The following AREL1 variants were observed in gnomAD, a reference collection of about 807,000 sequenced individuals.
AREL1 encodes apoptosis-resistant E3 ubiquitin protein ligase 1.
AREL1 carries 62 observed loss-of-function variants against 99.0 expected under a neutral mutation model. The observed-to-expected ratio is 0.63, with a 90% confidence interval of 0.51 to 0.77. The LOEUF (loss-of-function observed/expected upper bound fraction) is 0.77, where lower values mean the gene tolerates loss of function less well. Ranked by LOEUF, AREL1 falls within the 30% of genes least tolerant of loss-of-function variation. The pLI is 0.00. For missense variants in AREL1, 879 were observed against 1,027.6 expected, an observed-to-expected ratio of 0.86 and a Z score of 1.98; for synonymous variants, 380 against 376.5, an observed-to-expected ratio of 1.01 and a Z score of -0.11.
intron 1 of AREL1, among the ~76,000 whole-genome samples, chr14:74,707,830 G>A (rs1337623482): frequency 4.3e-4 from 63 of 148,194 alleles, no homozygotes; most frequent in Middle Eastern, 3.5e-3. Context: ...GGTGGCGGGC[G>A]CCTATAGTCC....
intron 5 of AREL1, among the ~76,000 whole-genome samples, chr14:74,678,602 C>A (rs1382041320): frequency 6.7e-6 from 1 of 150,066 alleles, no homozygotes; most frequent in African/African-American, 2.5e-5. Flanking sequence ...CAAATATGTC[C>A]AACTGCTTTT....
chr14:74,666,479 TA>T (rs1485711282), intron 17 of AREL1, among the ~76,000 whole-genome samples: 1 of 152,178 alleles, frequency 6.6e-6, no homozygotes. Flanking sequence ...AATAAAAATA[TA>T]TACTATATAC....
At position 74,661,656 on chromosome 14, in the gene AREL1, C is replaced by A. The variant is rs2089080532; in HGVS notation, c.*2064G>T. The A allele has an allele frequency of 5.6e-6, 1 of 180,144 alleles. No homozygotes were observed. The highest frequency in any genetic ancestry group is 2.4e-5 in the African/African-American group (1 of 41,612). The allele number at this position is 180,144 out of a possible 1,614,324, so 11.2% of individuals were successfully genotyped here. A position where few individuals can be genotyped will look rare whatever the true frequency, so the allele number is the denominator to read the frequency against. On this transcript the variant is annotated 3_prime_UTR_variant, in exon 20 of 20. Transcript: ENST00000356357. ...GAAAAGGCCCAAGAGAGCAAAGATA[C>A]TTTTGAATAGAGTTCAGACAGAGAA...
intron 7 of AREL1, 72 bp from the exon 8 acceptor site, chr14:74,676,018 A>C: frequency 6.5e-7 from 1 of 1,540,110 alleles, no homozygotes; most frequent in South Asian, 1.3e-5. Flanking sequence ...ACAGGCTTTT[A>C]GTCCACAGGA....
At chr14:74,671,898 G>C (rs1158546456) in intron 11 of AREL1, 1 of 389,402 alleles carries the variant, frequency 2.6e-6, no homozygotes, top group Non-Finnish European at 5.3e-6. Context: ...TATCCACAAG[G>C]CTAGGTTCAG....
At chr14:74,687,897 T>C (rs1290496522) in intron 2 of AREL1, among the ~76,000 whole-genome samples, 1 of 152,172 alleles carries the variant, frequency 6.6e-6, no homozygotes. Context: ...CTTCTATTAC[T>C]GTCCCTGAAC....
rs200202003 is a variant in AREL1 at position 74,676,700 on chromosome 14, T to C, written c.534A>G (p.Val178=). The change falls in exon 6 of 20, where the codon GTA becomes GTG. Residue 178 remains valine (V), a synonymous_variant. Transcript: ENST00000356357. The stretch of plus-strand genomic sequence containing the variant: ...GGGTGTGCGGCTGCCCACAGGTCAA[T>C]ACAAGAGTAGAAAAGTGGCACACAA... ...TKIVCHFSTL[V]LTCGQPHTLQ... 2.9e-5 allele frequency: 46 copies of C among 1,613,560 alleles called. No homozygotes were observed. Among genetic ancestry groups the C allele is most frequent in the Non-Finnish European group, 3.6e-5 (42 of 1,179,740 alleles).
At chr14:74,684,398 G>A (rs2089700617) in intron 4 of AREL1, 56 bp downstream of exon 4, 20 of 1,542,492 alleles carry the variant, frequency 1.3e-5, no homozygotes, top group Non-Finnish European at 1.8e-5. Flanking sequence ...CCTGGGCTCT[G>A]GAAAGCAAGT....
At chr14:74,696,553 A>G (rs1220361609) in intron 1 of AREL1, among the ~76,000 whole-genome samples, 1 of 152,208 alleles carries the variant, frequency 6.6e-6, no homozygotes, top group Admixed American at 6.5e-5. Flanking sequence ...TATTCTAAAA[A>G]GCTGTGAAAG....
At chr14:74,694,008 C>T (rs1222555984) in intron 1 of AREL1, among the ~76,000 whole-genome samples, 8 of 152,126 alleles carry the variant, frequency 5.3e-5, no homozygotes, top group Admixed American at 2.0e-4. Context: ...AAAACCCCGT[C>T]TCTACAAAAA....
chr14:74,686,493 T>C (rs2089751041), intron 2 of AREL1, among the ~76,000 whole-genome samples: 3 of 152,254 alleles, frequency 2.0e-5, no homozygotes, highest in Non-Finnish European at 2.9e-5. Flanking sequence ...TAGCACAGGC[T>C]GTATATGCTA....
chr14:74,670,734 A>G (rs754864761), intron 13 of AREL1, 28 bp downstream of exon 13: 1 of 1,599,050 alleles, frequency 6.3e-7, no homozygotes, highest in Admixed American at 1.7e-5. Flanking sequence ...CATAATCCAC[A>G]TTTTCCACCC....
In AREL1 at chr14:74,713,067, C is replaced by A; in HGVS notation, c.-468G>T. The A allele has an allele frequency of 6.4e-7, 1 of 1,568,384 alleles. No homozygotes were observed. The highest frequency in any genetic ancestry group is 8.8e-7 in the Non-Finnish European group (1 of 1,139,218). On this transcript the variant is annotated 5_prime_UTR_variant, in exon 1 of 20. Coordinates refer to ENST00000356357, the MANE Select transcript of AREL1 (RefSeq NM_001039479.2). ...GTTGGTCTCCACCCGGCCTGGGAACCGGCTCGGGGGATTGCCCTTTCCCCA... is the reference window on the plus strand; with the variant it reads ...GTTGGTCTCCACCCGGCCTGGGAACAGGCTCGGGGGATTGCCCTTTCCCCA...
At chr14:74,677,500 CTTTTTTTTTT>C (rs58383006) in intron 5 of AREL1, among the ~76,000 whole-genome samples, 3 of 63,120 alleles carry the variant, frequency 4.8e-5, no homozygotes, top group Admixed American at 2.1e-4. Flanking sequence ...TGTCTCTCTC[CTTTTTTTTTT>C]TTTTTTTTTT....
intron 13 of AREL1, 111 bp from the exon 14 acceptor site, chr14:74,670,237 G>C (rs955724947): frequency 2.0e-5 from 22 of 1,118,130 alleles, no homozygotes; most frequent in Non-Finnish European, 2.6e-5. Context: ...TCACTGTGAG[G>C]ATCAGAGCCC....
In AREL1 at chr14:74,675,559, A is replaced by C. The variant is rs945727657; in HGVS notation, c.1080+140T>G. 9.2e-6 allele frequency: 11 copies of C among 1,191,794 alleles called. No homozygotes were observed. The East Asian group carries it at 9.7e-5, about 10-fold the overall frequency. 73.8% of individuals were successfully genotyped at this position (1,191,794 alleles called of 1,614,324 possible). A position where few individuals can be genotyped will look rare whatever the true frequency, so the allele number is the denominator to read the frequency against. ...TTTATGCTAGCAAGAAATTTTTAAC[A>C]GTTGAAAGTGGCTTTCTATACAACT... On this transcript the variant is annotated intron_variant, in intron 8 of 19. Transcript: ENST00000356357.
intron 2 of AREL1, among the ~76,000 whole-genome samples, chr14:74,687,561 C>G (rs2089775668): frequency 6.6e-6 from 1 of 152,180 alleles, no homozygotes. Context: ...GGGGCAGACT[C>G]TAGAGTTAGA....
intron 1 of AREL1, among the ~76,000 whole-genome samples, chr14:74,712,558 A>G (rs1421683395): frequency 1.3e-5 from 2 of 152,196 alleles, no homozygotes; most frequent in Non-Finnish European, 2.9e-5. Context: ...ATTGTATCTC[A>G]CCATTTTCTT....
At chr14:74,686,107 T>A (rs2139926620) in intron 2 of AREL1, among the ~76,000 whole-genome samples, 1 of 152,332 alleles carries the variant, frequency 6.6e-6, no homozygotes, top group Non-Finnish European at 1.5e-5. Context: ...GTAGATTTTT[T>A]TTTTTTAAAG....
Sources: allele counts gnomAD v4.1 joint callset (sites outside exome capture counted in the v4.1 genomes callset), GRCh38; gene constraint gnomAD v4.1.1; transcripts MANE v1.5; gene names NCBI Gene and HGNC (gene_info 2026-07-23, HGNC 2026-07-21).